The following KLHL5 variants were observed in gnomAD, a reference collection of about 807,000 sequenced individuals.
KLHL5 encodes kelch like family member 5.
KLHL5 carries 48 observed loss-of-function variants against 77.7 expected under a neutral mutation model. The observed-to-expected ratio is 0.62, with a 90% confidence interval of 0.49 to 0.79. KLHL5 has a LOEUF of 0.79. Ranked by LOEUF, KLHL5 falls within the 30% of genes least tolerant of loss-of-function variation. The probability of loss-of-function intolerance (pLI) is 0.00; values close to 1 mark genes in which losing one functional copy is unlikely to be tolerated. For synonymous variants in KLHL5, 260 were observed against 297.0 expected, an observed-to-expected ratio of 0.88 and a Z score of 1.28; for missense variants, 723 against 859.7, an observed-to-expected ratio of 0.84 and a Z score of 1.99.
upstream of KLHL5, among the ~76,000 whole-genome samples, chr4:39,057,463 C>T (rs1055675473): frequency 1.3e-5 from 2 of 152,134 alleles, no homozygotes; most frequent in African/African-American, 4.8e-5. Context: ...AAAAATAGAT[C>T]TCAAATCTTT....
At chr4:39,065,725 A>G (rs943022831) in intron 1 of KLHL5, among the ~76,000 whole-genome samples, 1 of 151,720 alleles carries the variant, frequency 6.6e-6, no homozygotes, top group Non-Finnish European at 1.5e-5. Context: ...AATATATAGT[A>G]AATATATAGT....
chr4:39,077,336 C>T (rs1274418607), intron 2 of KLHL5, among the ~76,000 whole-genome samples: 1 of 151,932 alleles, frequency 6.6e-6, no homozygotes, highest in Non-Finnish European at 1.5e-5. Context: ...GTGGCAGGCA[C>T]TTGTAGTCCC....
intron 1 of KLHL5, among the ~76,000 whole-genome samples, chr4:39,050,551 TTAATC>T (rs1716562146): frequency 6.6e-6 from 1 of 152,236 alleles, no homozygotes; most frequent in African/African-American, 2.4e-5. Context: ...CATGGATGTT[TTAATC>T]TAAGAGTTTA....
At chr4:39,097,268 G>C (rs1259383690) in intron 6 of KLHL5, among the ~76,000 whole-genome samples, 1 of 152,176 alleles carries the variant, frequency 6.6e-6, no homozygotes, top group African/African-American at 2.4e-5. Flanking sequence ...TAGAAGGAAA[G>C]ATGAGATTAC....
chr4:39,104,834 C>T (rs1246144915), intron 7 of KLHL5, among the ~76,000 whole-genome samples: 1 of 151,742 alleles, frequency 6.6e-6, no homozygotes, highest in Non-Finnish European at 1.5e-5. Flanking sequence ...GGCACAATCT[C>T]GGCTCACTGC....
intron 10 of KLHL5, chr4:39,116,461 A>G (rs1047270636): frequency 2.6e-5 from 4 of 152,264 alleles, no homozygotes; most frequent in Non-Finnish European, 5.9e-5. Context: ...TTAGTGTCCC[A>G]TGGTACAGGC....
At chr4:39,064,454 T>C (rs1347947899) in intron 1 of KLHL5, among the ~76,000 whole-genome samples, 1 of 152,062 alleles carries the variant, frequency 6.6e-6, no homozygotes, top group Non-Finnish European at 1.5e-5. Flanking sequence ...AACCAAAGAG[T>C]AAATGTTTCA....
chr4:39,062,638 T>A lies in KLHL5; in HGVS notation c.-15T>A, dbSNP rs776838853. 3.1e-6 allele frequency: 5 copies of A among 1,614,208 alleles called. No individual in the cohort carries two copies. The highest frequency in any genetic ancestry group is 4.2e-6 in the Non-Finnish European group (5 of 1,180,028). ...TTTTGCCCGTTGCCTAGACGATCAC[T>A]TGGTTTCTCTGAGGATGTCTGGTTC... On this transcript the variant is annotated 5_prime_UTR_variant, in exon 1 of 11. The change creates a new upstream start codon in the 5' untranslated region. Coordinates refer to ENST00000504108, the MANE Select transcript of KLHL5 (RefSeq NM_015990.5).
At chr4:39,054,984 G>T (rs1425363397) in intron 1 of KLHL5, among the ~76,000 whole-genome samples, 1 of 152,214 alleles carries the variant, frequency 6.6e-6, no homozygotes, top group Non-Finnish European at 1.5e-5. Context: ...GTAAATTGAT[G>T]AAAGTGTAAA....
downstream of KLHL5, among the ~76,000 whole-genome samples, chr4:39,129,646 C>T (rs1723724162): frequency 6.6e-6 from 1 of 152,202 alleles, no homozygotes; most frequent in African/African-American, 2.4e-5. The surrounding 1 kb of genome is among the most constrained non-coding windows in gnomAD (Gnocchi z 4.2). Flanking sequence ...TTTTTCAGCC[C>T]ACAGCCCCTA....
At chr4:39,086,762 T>C in intron 5 of KLHL5, 35 bp downstream of exon 5, 2 of 1,488,450 alleles carry the variant, frequency 1.3e-6, no homozygotes, top group Non-Finnish European at 9.4e-7. Flanking sequence ...GGAATTTTTC[T>C]TTGCCTATTC....
intron 1 of KLHL5, among the ~76,000 whole-genome samples, chr4:39,047,945 T>G (rs1463318730): frequency 6.6e-6 from 1 of 152,202 alleles, no homozygotes; most frequent in Non-Finnish European, 1.5e-5. Context: ...TTCCAGCCGG[T>G]TGATGAACCT....
rs898969367 is a variant in KLHL5 at position 39,082,184 on chromosome 4, A to G, written c.900+25A>G. On this transcript the variant is annotated intron_variant, in intron 4 of 10. Coordinates refer to ENST00000504108, the MANE Select transcript of KLHL5 (RefSeq NM_015990.5). ...GGTATGTATTTTTTGAAGGTGAGAAAGTCGATCCTCCATATGCATATTTCT... is the reference window on the plus strand; with the variant it reads ...GGTATGTATTTTTTGAAGGTGAGAAGGTCGATCCTCCATATGCATATTTCT... The G allele has an allele frequency of 2.6e-6, 4 of 1,531,202 alleles. No homozygotes were observed. The African/African-American group carries it at 5.5e-5, about 21-fold the overall frequency. The allele number at this position is 1,531,202 out of a possible 1,614,324, so 94.9% of individuals were successfully genotyped here. A position where few individuals can be genotyped will look rare whatever the true frequency, so the allele number is the denominator to read the frequency against.
intron 9 of KLHL5, 59 bp downstream of exon 9, chr4:39,113,291 T>TA (rs1207366380): frequency 1.5e-6 from 2 of 1,364,842 alleles, no homozygotes; most frequent in Non-Finnish European, 2.0e-6. Context: ...CTCTGATACT[T>TA]ACATATATTT....
rs1192803351 is a variant in KLHL5 at position 39,082,952 on chromosome 4, A to G, written c.900+793A>G. On this transcript the variant is annotated intron_variant, in intron 4 of 10. Transcript: ENST00000504108. ...AGCAGTTAGTTCTTCACACCTGGGCAATGACTGAAGAGTGTTGCTTTAAAT... is the reference window on the plus strand; with the variant it reads ...AGCAGTTAGTTCTTCACACCTGGGCGATGACTGAAGAGTGTTGCTTTAAAT... 2.6e-5 allele frequency among the ~76,000 whole-genome samples: 4 copies of G among 152,152 alleles called. No individual in the cohort carries two copies. The South Asian group carries it at 8.3e-4, about 32-fold the overall frequency.
the KLHL5 span, among the ~76,000 whole-genome samples, chr4:39,141,304 C>CTT: frequency 2.6e-3 from 197 of 75,606 alleles, no homozygotes; most frequent in Non-Finnish European, 2.8e-3. Flanking sequence ...ATTTTTTAGT[C>CTT]TTTTTTTTTT....
chr4:39,053,445 A>C (rs755670075), intron 1 of KLHL5, among the ~76,000 whole-genome samples: 1 of 152,254 alleles, frequency 6.6e-6, no homozygotes, highest in African/African-American at 2.4e-5. Flanking sequence ...TGAAGTCAGT[A>C]AAAGACAAAT....
chr4:39,072,371 A>G (rs1718557850), intron 1 of KLHL5, among the ~76,000 whole-genome samples: 1 of 152,154 alleles, frequency 6.6e-6, no homozygotes, highest in African/African-American at 2.4e-5. Flanking sequence ...GCTGTTAAAG[A>G]AAGTAAGCCT....
chr4:39,104,919 C>T (rs1433685722), intron 7 of KLHL5, among the ~76,000 whole-genome samples: 2 of 152,038 alleles, frequency 1.3e-5, no homozygotes, highest in Non-Finnish European at 2.9e-5. Context: ...GCATGTGCCA[C>T]CACGCCCAGC....
Sources: allele counts gnomAD v4.1 joint callset (sites outside exome capture counted in the v4.1 genomes callset), GRCh38; gene constraint gnomAD v4.1.1; non-coding constraint Gnocchi (gnomAD v3.1); transcripts MANE v1.5; gene names NCBI Gene and HGNC (gene_info 2026-07-23, HGNC 2026-07-21).